ARAF: variants seen among roughly 807,000 people sequenced by gnomAD.
ARAF encodes A-Raf proto-oncogene, serine/threonine kinase.
A neutral mutation model predicts 48.0 loss-of-function variants in ARAF; 18 were observed. The observed-to-expected ratio is 0.37, with a 90% CI of 0.26 to 0.56. The LOEUF is 0.56. Ranked by LOEUF, ARAF falls within the 20% of genes least tolerant of loss-of-function variation. ARAF has a pLI of 0.77. For synonymous variants in ARAF, 207 were observed against 220.1 expected (o/e 0.94, Z 0.53); for missense variants, 389 against 543.1 (o/e 0.72, Z 2.82).
chrX:47,565,278 C>T lies in ARAF; in HGVS notation c.485C>T (p.Ser162Phe). 1 of 1,211,593 alleles carries T rather than the reference C, an allele frequency of 8.3e-7. No homozygotes were observed. The highest frequency in any genetic ancestry group is 1.8e-5 in the South Asian group (1 of 56,988). Residue 162 changes from serine (S) to phenylalanine (F), a missense_variant, in exon 6 of 16, where the codon TCC (serine) becomes TTC (phenylalanine). Ser to Phe is a radical substitution (Grantham distance 155, BLOSUM62 -2). This residue lies in a region of ARAF where 154 missense variants were observed against 133.6 expected (regional missense o/e 1.15). Coordinates refer to ENST00000377045, the MANE Select transcript of ARAF (RefSeq NM_001654.5). The stretch of plus-strand genomic sequence containing the variant: ...TTCTACCACAGTGTCCAGGATTTGT[C>T]CGGAGGCTCCAGACAGCATGAGGCT... Reference protein sequence around the residue: ...QQFYHSVQDLSGGSRQHEAPS... With the variant: ...QQFYHSVQDLFGGSRQHEAPS...
intron 10 of ARAF, 83 bp from the exon 11 acceptor site, chrX:47,568,635 A>T: frequency 9.7e-7 from 1 of 1,030,097 alleles, no homozygotes; most frequent in Admixed American, 2.5e-5. Context: ...AGGAAGGTAA[A>T]GAACAGTGCC....
Position 47,569,662 on chromosome X carries a change from G to T in ARAF, c.1419+5G>T. On this transcript the variant is annotated splice_donor_5th_base_variant and intron_variant, in intron 13 of 15. Coordinates refer to ENST00000377045, the MANE Select transcript of ARAF (RefSeq NM_001654.5). ...TCAGGATCTGTGCTGTGGATGGTGAGTTGGGCCAGGCTGGATGGGGGGCAC... is the reference window on the plus strand; with the variant it reads ...TCAGGATCTGTGCTGTGGATGGTGATTTGGGCCAGGCTGGATGGGGGGCAC... 1 of 1,204,069 alleles carries T rather than the reference G, an allele frequency of 8.3e-7. No homozygotes were observed. Among genetic ancestry groups the T allele is most frequent in the Non-Finnish European group, 1.1e-6 (1 of 889,179 alleles).
At chrX:47,569,487 G>C in intron 12 of ARAF, 52 bp from the exon 13 acceptor site, 1 of 1,043,237 alleles carries the variant, frequency 9.6e-7, no homozygotes. Context: ...TCCCAGGCAG[G>C]GTGAGAGGCA....
chrX:47,564,645 A>G (rs2057724466), intron 3 of ARAF, 152 bp from the exon 4 acceptor site: 1 of 476,259 alleles, frequency 2.1e-6, no homozygotes, highest in African/African-American at 2.4e-5. Flanking sequence ...TGGGGCAAGG[A>G]TAGTGACTAA....
intron 10 of ARAF, among the ~76,000 whole-genome samples, chrX:47,568,265 A>T (rs2057741460): frequency 8.9e-6 from 1 of 111,818 alleles, no homozygotes. Flanking sequence ...GCTGCTGAAC[A>T]GGCTCTAATC....
At chrX:47,569,339 A>G in intron 12 of ARAF, 200 bp from the exon 13 acceptor site, 1 of 466,064 alleles carries the variant, frequency 2.1e-6, no homozygotes, top group South Asian at 3.2e-5. Context: ...CCTGTTCAGG[A>G]GTCACAGCGG....
chrX:47,571,705 T>C lies in ARAF; in HGVS notation c.*248T>C. ...TGGCTTTGGGGATACTTCTAAATTT[T>C]GGGAGCTCCTCCATCTCCAATGGCT... On this transcript the variant is annotated 3_prime_UTR_variant, in exon 16 of 16. Transcript: ENST00000377045. 1 of 370,507 alleles carries C rather than the reference T, an allele frequency of 2.7e-6. No homozygotes were observed. The highest frequency in any genetic ancestry group is 4.5e-6 in the Non-Finnish European group (1 of 220,042). 30.5% of individuals were successfully genotyped at this position (370,507 alleles called of 1,213,427 possible). A position where few individuals can be genotyped will look rare whatever the true frequency, so the allele number is the denominator to read the frequency against.
intron 13 of ARAF, 32 bp downstream of exon 13, chrX:47,569,689 T>C (rs974050531): frequency 8.6e-7 from 1 of 1,164,047 alleles, no homozygotes; most frequent in Non-Finnish European, 1.2e-6. Flanking sequence ...GGGGGGCACA[T>C]GGGGACGTGG....
At chrX:47,561,973 C>T (rs763811160) in intron 1 of ARAF, among the ~76,000 whole-genome samples, 8 of 95,977 alleles carry the variant, frequency 8.3e-5, no homozygotes, top group African/African-American at 3.0e-4. Context: ...GTAGTGACCC[C>T]CCCCCCCCAT....
In ARAF at chrX:47,564,978, G is replaced by A. The variant is rs1325392868; in HGVS notation, c.304-7G>A. On this transcript the variant is annotated splice_polypyrimidine_tract_variant and splice_region_variant and intron_variant, in intron 4 of 15. Transcript: ENST00000377045. ...AGGTCTCAAACTTCCCTGCTCTGTGGCATCAGGTACGGAAGACCTTCTTCA... is the reference window on the plus strand; with the variant it reads ...AGGTCTCAAACTTCCCTGCTCTGTGACATCAGGTACGGAAGACCTTCTTCA... The A allele has an allele frequency of 8.3e-7, 1 of 1,211,915 alleles. No individual in the cohort carries two copies. Among genetic ancestry groups the A allele is most frequent in the Non-Finnish European group, 1.1e-6 (1 of 895,478 alleles).
chrX:47,561,627 C>G, intron 1 of ARAF, among the ~76,000 whole-genome samples: 1 of 109,885 alleles, frequency 9.1e-6, no homozygotes, highest in East Asian at 2.9e-4. Flanking sequence ...GGTTCACTCC[C>G]CGGTTTCCTT....
At chrX:47,565,891 ATGT>A (rs1440969089) in intron 6 of ARAF, 36 of 156,784 alleles carry the variant, frequency 2.3e-4, no homozygotes, top group East Asian at 1.1e-3. Flanking sequence ...TTATTGTATC[ATGT>A]TGTATTACAT....
At chrX:47,563,126 A>G in intron 2 of ARAF, 63 bp downstream of exon 2, 1 of 1,154,731 alleles carries the variant, frequency 8.7e-7, no homozygotes, top group Non-Finnish European at 1.2e-6. Context: ...CTGGGATCAA[A>G]AGGGTGACAA....
intron 3 of ARAF, among the ~76,000 whole-genome samples, chrX:47,563,536 C>G (rs1014487636): frequency 8.9e-6 from 1 of 112,124 alleles, no homozygotes; most frequent in Non-Finnish European, 1.9e-5. Context: ...TGCTATCAGT[C>G]GGAACATGTT....
In ARAF at chrX:47,571,141, GTT is replaced by G. The variant is rs1349601461; in HGVS notation, c.1686+131_1686+132del. The G allele has an allele frequency of 1.0e-5, 9 of 903,617 alleles. No individual in the cohort carries two copies. In the East Asian group the frequency reaches 2.1e-4, roughly 21 times the overall value. 74.5% of individuals were successfully genotyped at this position (903,617 alleles called of 1,213,427 possible). ...TGTGTGTGTGTGTGTGTGTGTGTGT[GTT>G]TCACCATGAGGCTGGGACTGTTGGG... On this transcript the variant is annotated intron_variant, in intron 15 of 15. Coordinates refer to ENST00000377045, the MANE Select transcript of ARAF (RefSeq NM_001654.5).
intron 10 of ARAF, 94 bp from the exon 11 acceptor site, chrX:47,568,624 G>A (rs1192398585): frequency 4.7e-5 from 44 of 943,416 alleles, no homozygotes; most frequent in Middle Eastern, 2.7e-4. Context: ...ATAAATGACC[G>A]AGGAAGGTAA....
At chrX:47,569,750 C>G in intron 13 of ARAF, 93 bp downstream of exon 13, 2 of 1,096,102 alleles carry the variant, frequency 1.8e-6, no homozygotes, top group Admixed American at 4.8e-5. Flanking sequence ...ATGCCTGTGC[C>G]AGATGTGGGT....
At chrX:47,563,118 G>C (rs1245226723) in intron 2 of ARAF, 55 bp downstream of exon 2, 3 of 1,147,998 alleles carry the variant, frequency 2.6e-6, no homozygotes, top group Admixed American at 2.5e-5. Context: ...TTGTAACTCT[G>C]GGATCAAAAG....
chrX:47,568,837 C>T lies in ARAF; in HGVS notation c.1196C>T (p.Thr399Ile). The change falls in exon 11 of 16, where the codon ACA becomes ATA. Residue 399 changes from threonine (T) to isoleucine (I), a missense_variant. This residue lies in a region of ARAF where 170 missense variants were observed against 281.4 expected (regional missense o/e 0.60). Coordinates refer to ENST00000377045, the MANE Select transcript of ARAF (RefSeq NM_001654.5). Reference sequence around the variant, plus strand: ...TACCATCACCTGCATGTGGCCGACACACGCTTCGACATGGTCCAGCTCATC... The same window carrying T: ...TACCATCACCTGCATGTGGCCGACATACGCTTCGACATGGTCCAGCTCATC... Reference protein sequence around the residue: ...SLYHHLHVADTRFDMVQLIDV... With the variant: ...SLYHHLHVADIRFDMVQLIDV... 4 of 1,210,690 alleles carry T rather than the reference C, an allele frequency of 3.3e-6. No individual in the cohort carries two copies. The highest frequency in any genetic ancestry group is 4.5e-6 in the Non-Finnish European group (4 of 895,120).
Sources: gnomAD v4.1 joint callset for allele counts (sites outside exome capture counted in the v4.1 genomes callset) on GRCh38, gnomAD v4.1.1 for gene constraint, gnomAD v4.1.1 regional missense constraint, MANE v1.5 for transcripts, NCBI Gene and HGNC (gene_info 2026-07-23, HGNC 2026-07-21) for gene names.